The following ESF1 variants were observed in gnomAD, a reference collection of about 807,000 sequenced individuals.
The protein encoded by ESF1 is ESF1 nucleolar pre-rRNA processing protein.
ESF1 carries 58 observed loss-of-function variants against 92.0 expected under a neutral mutation model. The ratio of observed to expected loss-of-function variants is 0.63; its 90% CI spans 0.51 to 0.78. The LOEUF (loss-of-function observed/expected upper bound fraction) is 0.78, where lower values mean the gene tolerates loss of function less well. ESF1 is among the 30% of genes least tolerant of loss of function. The pLI, the probability that ESF1 is intolerant of heterozygous loss-of-function variation, is 0.00. For synonymous variants in ESF1, 321 were observed against 313.7 expected, an observed-to-expected ratio of 1.02 and a Z score of -0.24; for missense variants, 922 against 989.1, an observed-to-expected ratio of 0.93 and a Z score of 0.91.
chr20:13,773,506 A>T (rs890776593), intron 4 of ESF1, among the ~76,000 whole-genome samples: 5 of 151,740 alleles, frequency 3.3e-5, no homozygotes, highest in African/African-American at 4.8e-5. Context: ...CTTCATCTAG[A>T]ATTTCGCTGG....
Position 13,715,120 on chromosome 20 carries a change from C to G in ESF1, c.2310G>C (p.Leu770Phe). Reference protein sequence around the residue: ...ARFQAMYTSHLFNLDPSDPNF... With the variant: ...ARFQAMYTSHFFNLDPSDPNF... ...TGGGATCTGAGGGGTCCAAATTGAACAAGTGGGAAGTGTACATTGCCTGAA... is the reference window on the plus strand; with the variant it reads ...TGGGATCTGAGGGGTCCAAATTGAAGAAGTGGGAAGTGTACATTGCCTGAA... Residue 770 changes from leucine to phenylalanine, a missense_variant, in exon 14 of 14, where the codon TTG (leucine) becomes TTC (phenylalanine). Coordinates refer to ENST00000617257, the MANE Select transcript of ESF1 (RefSeq NM_001276380.2). 4 of 1,611,696 alleles carry G rather than the reference C, an allele frequency of 2.5e-6. No individual in the cohort carries two copies. The highest frequency in any genetic ancestry group is 3.4e-6 in the Non-Finnish European group (4 of 1,179,538).
At chr20:13,724,733 GTATCATTCTCATATATT>G (rs2049890063) in intron 11 of ESF1, among the ~76,000 whole-genome samples, 1 of 152,176 alleles carries the variant, frequency 6.6e-6, no homozygotes, top group African/African-American at 2.4e-5. Context: ...TGGGAAAACT[GTATCATTCTCATATATT>G]TAAATATTTT....
At chr20:13,754,164 A>T (rs1263834966) in intron 9 of ESF1, among the ~76,000 whole-genome samples, 1 of 152,156 alleles carries the variant, frequency 6.6e-6, no homozygotes, top group African/African-American at 2.4e-5. Context: ...CCATCATCCC[A>T]CAAAAACCAT....
At position 13,782,989 on chromosome 20, in the gene ESF1, T is replaced by C; in HGVS notation, c.152A>G (p.Tyr51Cys). 27 of 1,614,192 alleles carry C rather than the reference T, an allele frequency of 1.7e-5. 1 individual carries two copies. Among genetic ancestry groups the C allele is most frequent in the South Asian group, 2.2e-5 (2 of 91,078 alleles). Reference protein sequence around the residue: ...MFHDKKFKLNYAVDKRGRPIS... With the variant: ...MFHDKKFKLNCAVDKRGRPIS... ...GGGGCGCCCTCTTTTATCCACGGCA[T>C]AGTTCAACTTGAACTTCTTGTCATG... Residue 51 changes from tyrosine (Y) to cysteine (C), a missense_variant, in exon 2 of 14, where the codon TAT (tyrosine) becomes TGT (cysteine). Tyr to Cys is a radical substitution (Grantham distance 194). Transcript: ENST00000617257.
chr20:13,727,832 G>T (rs1217544387), intron 11 of ESF1, among the ~76,000 whole-genome samples: 1 of 152,124 alleles, frequency 6.6e-6, no homozygotes, highest in African/African-American at 2.4e-5. Context: ...AGCATAATGA[G>T]TACAAAAGGG....
intron 8 of ESF1, among the ~76,000 whole-genome samples, chr20:13,760,237 C>T (rs1381208581): frequency 1.4e-5 from 2 of 148,142 alleles, no homozygotes; most frequent in Non-Finnish European, 1.5e-5. Context: ...TGTGAGGAGC[C>T]CCTCTGCCTG....
At chr20:13,771,887 T>C (rs1006640482) in intron 5 of ESF1, among the ~76,000 whole-genome samples, 5 of 151,074 alleles carry the variant, frequency 3.3e-5, no homozygotes, top group Non-Finnish European at 7.4e-5. Flanking sequence ...TCTATAAGTT[T>C]GATTTTGCTT....
chr20:13,740,474 C>T (rs112334316), intron 9 of ESF1, among the ~76,000 whole-genome samples: 42 of 152,104 alleles, frequency 2.8e-4, no homozygotes, highest in Middle Eastern at 3.4e-3. Context: ...TTACCCAGCA[C>T]GTTGTAGAGA....
chr20:13,768,687 A>C (rs563778140), intron 7 of ESF1, among the ~76,000 whole-genome samples: 1 of 151,800 alleles, frequency 6.6e-6, no homozygotes, highest in Non-Finnish European at 1.5e-5. Flanking sequence ...ATCTGAGCTC[A>C]GGAGTTCAAG....
In ESF1 at chr20:13,719,112, G is replaced by GA. The variant is rs1374873119; in HGVS notation, c.2039-129dup. 3 of 555,566 alleles carry GA rather than the reference G, an allele frequency of 5.4e-6. No individual in the cohort carries two copies. The South Asian group carries it at 1.2e-4, about 22-fold the overall frequency. 34.4% of individuals were successfully genotyped at this position (555,566 alleles called of 1,614,324 possible). A position where few individuals can be genotyped will look rare whatever the true frequency, so the allele number is the denominator to read the frequency against. ...AACAATAAATGTGTTGAAACTAAAA[G>GA]AAAAAAACACGTTACTGAAAGAAGA... On this transcript the variant is annotated intron_variant, in intron 11 of 13. Coordinates refer to ENST00000617257, the MANE Select transcript of ESF1 (RefSeq NM_001276380.2).
At chr20:13,725,186 A>G (rs1258723952) in intron 11 of ESF1, among the ~76,000 whole-genome samples, 1 of 152,224 alleles carries the variant, frequency 6.6e-6, no homozygotes, top group African/African-American at 2.4e-5. Context: ...TGCTTCTGCA[A>G]GTGAATGAAC....
chr20:13,758,732 G>A lies in ESF1; in HGVS notation c.1828+960C>T, dbSNP rs147802917. Among the ~76,000 whole-genome samples, 1,047 of 152,038 alleles carry A rather than the reference G, an allele frequency of 6.9e-3. 17 individuals are homozygous for A. Among genetic ancestry groups the A allele is most frequent in the Admixed American group, 0.034 (520 of 15,272 alleles). On this transcript the variant is annotated intron_variant, in intron 9 of 13. Coordinates refer to ENST00000617257, the MANE Select transcript of ESF1 (RefSeq NM_001276380.2). ...GAACCCTTATCCAAAAATATATCTG[G>A]TTTTAAAAGTTATACACATATATAA...
chr20:13,780,331 A>G (rs899951876), intron 2 of ESF1, among the ~76,000 whole-genome samples: 3 of 152,258 alleles, frequency 2.0e-5, no homozygotes, highest in African/African-American at 7.2e-5. Flanking sequence ...TGTTATATTA[A>G]TTCAGTGCCC....
intron 9 of ESF1, among the ~76,000 whole-genome samples, chr20:13,747,212 C>T (rs909616898): frequency 6.6e-6 from 1 of 151,634 alleles, no homozygotes; most frequent in Non-Finnish European, 1.5e-5. Flanking sequence ...TGGCAGTGTC[C>T]TTTATGCAGT....
At chr20:13,728,721 G>A (rs761824752) in intron 10 of ESF1, among the ~76,000 whole-genome samples, 2 of 151,146 alleles carry the variant, frequency 1.3e-5, no homozygotes, top group South Asian at 2.1e-4. Flanking sequence ...AAAAAAATTC[G>A]CTGGGCATGG....
intron 8 of ESF1, among the ~76,000 whole-genome samples, chr20:13,763,231 G>T (rs987814989): frequency 6.6e-6 from 1 of 152,124 alleles, no homozygotes; most frequent in Non-Finnish European, 1.5e-5. Flanking sequence ...CCAACCATAA[G>T]CCTGGTATTA....
chr20:13,782,888 C>T lies in ESF1; in HGVS notation c.253G>A (p.Asp85Asn), dbSNP rs200339769. Residue 85 changes from aspartate to asparagine, a missense_variant, in exon 2 of 14, where the codon GAT becomes AAT. Asp to Asn is a conservative substitution (Grantham distance 23). Coordinates refer to ENST00000617257, the MANE Select transcript of ESF1 (RefSeq NM_001276380.2). ...SDSDSNLSGE[D>N]SKALSQKKIK... Reference sequence around the variant, plus strand: ...TTCTTTTGACTCAATGCTTTGCTATCTTCACCAGAGAGATTGGAATCAGAA... The same window carrying T: ...TTCTTTTGACTCAATGCTTTGCTATTTTCACCAGAGAGATTGGAATCAGAA... 137 of 1,613,772 alleles carry T rather than the reference C, an allele frequency of 8.5e-5. 1 individual carries two copies. The East Asian group carries it at 2.4e-3, about 28-fold the overall frequency.
chr20:13,754,090 C>T (rs1978765280), intron 9 of ESF1, among the ~76,000 whole-genome samples: 1 of 152,076 alleles, frequency 6.6e-6, no homozygotes, highest in African/African-American at 2.4e-5. Flanking sequence ...AAAGAGTTGC[C>T]TCTACTTACT....
At chr20:13,745,411 A>G (rs2050041711) in intron 9 of ESF1, among the ~76,000 whole-genome samples, 1 of 152,226 alleles carries the variant, frequency 6.6e-6, no homozygotes, top group Non-Finnish European at 1.5e-5. Context: ...CCATATACAC[A>G]TATATGGATA....
Sources: gnomAD v4.1 joint callset for allele counts (sites outside exome capture counted in the v4.1 genomes callset) on GRCh38, gnomAD v4.1.1 for gene constraint, MANE v1.5 for transcripts, NCBI Gene and HGNC (gene_info 2026-07-23, HGNC 2026-07-21) for gene names.